Variants in SDCCAG8 observed in about 807,000 individuals in gnomAD.
SDCCAG8 encodes the protein serologically defined colon cancer antigen 8.
A neutral mutation model predicts 101.8 loss-of-function variants in SDCCAG8; 74 were observed. That is an observed-to-expected ratio of 0.73 (90% confidence interval 0.60 to 0.88). The LOEUF (loss-of-function observed/expected upper bound fraction) is 0.88. SDCCAG8 is among the 40% of genes least tolerant of loss of function. The pLI is 0.00. For missense variants in SDCCAG8, 787 were observed against 822.6 expected, an observed-to-expected ratio of 0.96 and a Z score of 0.53; for synonymous variants, 281 against 292.9, an observed-to-expected ratio of 0.96 and a Z score of 0.41.
At chr1:243,316,932 T>C (rs2073298216) in intron 9 of SDCCAG8, 39 bp downstream of exon 9, 2 of 1,598,178 alleles carry the variant, frequency 1.3e-6, no homozygotes, top group South Asian at 2.3e-5. Context: ...GTCTTTCTTT[T>C]TTTTTTCTTT....
At chr1:243,452,445 C>G (rs2083442352) in intron 16 of SDCCAG8, among the ~76,000 whole-genome samples, 1 of 102,636 alleles carries the variant, frequency 9.7e-6, no homozygotes, top group African/African-American at 3.8e-5. Flanking sequence ...TTTTTTGGGA[C>G]AGTATCTGGC....
intron 16 of SDCCAG8, among the ~76,000 whole-genome samples, chr1:243,454,057 A>C (rs779233076): frequency 2.0e-5 from 3 of 152,090 alleles, no homozygotes; most frequent in Non-Finnish European, 4.4e-5. Context: ...TGTGCTTTTC[A>C]TTCGCACCTA....
At chr1:243,438,767 A>G (rs1438805691) in intron 16 of SDCCAG8, among the ~76,000 whole-genome samples, 2 of 152,202 alleles carry the variant, frequency 1.3e-5, no homozygotes, top group Non-Finnish European at 2.9e-5. Flanking sequence ...GGTGAGCCAG[A>G]GTGGCTCCTG....
intron 16 of SDCCAG8, among the ~76,000 whole-genome samples, chr1:243,478,413 T>G (rs1326040216): frequency 6.6e-6 from 1 of 152,182 alleles, no homozygotes; most frequent in Non-Finnish European, 1.5e-5. Context: ...AATATGATTC[T>G]TTTCATGAGA....
At chr1:243,385,427 A>G (rs1008534069) in intron 13 of SDCCAG8, among the ~76,000 whole-genome samples, 1 of 152,080 alleles carries the variant, frequency 6.6e-6, no homozygotes, top group Admixed American at 6.5e-5. Context: ...GAACATACAC[A>G]TGTAGTCGGT....
rs188808846 is a variant in SDCCAG8 at position 243,469,258 on chromosome 1, G to A, written c.1986-19756G>A. Among the ~76,000 whole-genome samples, 9 of 151,548 alleles carry A rather than the reference G, an allele frequency of 5.9e-5. No homozygotes were observed. In the East Asian group the frequency reaches 1.7e-3, roughly 29 times the overall value. On this transcript the variant is annotated intron_variant, in intron 16 of 17. Coordinates refer to ENST00000366541, the MANE Select transcript of SDCCAG8 (RefSeq NM_006642.5). The stretch of plus-strand genomic sequence containing the variant: ...TTTTTTGAGTAGTATAGCATCCATG[G>A]CATGCTTTTTTTGTTAAAATGTATG...
At chr1:243,475,446 C>T (rs1397769308) in intron 16 of SDCCAG8, among the ~76,000 whole-genome samples, 1 of 152,098 alleles carries the variant, frequency 6.6e-6, no homozygotes, top group East Asian at 1.9e-4. Context: ...GCCCCTGCTC[C>T]CCCTTCCCTC....
intron 12 of SDCCAG8, chr1:243,346,302 G>A (rs2075703156): frequency 1.3e-5 from 2 of 154,410 alleles, no homozygotes; most frequent in Middle Eastern, 5.2e-4. Flanking sequence ...TTTTAAAAGC[G>A]GGGCATGTTG....
intron 16 of SDCCAG8, among the ~76,000 whole-genome samples, chr1:243,457,521 T>A (rs2148146730): frequency 6.6e-6 from 1 of 152,350 alleles, no homozygotes; most frequent in Non-Finnish European, 1.5e-5. Context: ...CTTCCCATTA[T>A]TGACTAGCAT....
intron 16 of SDCCAG8, among the ~76,000 whole-genome samples, chr1:243,480,617 TG>T: frequency 8.9e-6 from 1 of 112,112 alleles, no homozygotes; most frequent in Non-Finnish European, 1.8e-5. Context: ...GATGGATGGA[TG>T]GGTGGTATGG....
intron 16 of SDCCAG8, among the ~76,000 whole-genome samples, chr1:243,442,678 A>G (rs2082624180): frequency 6.6e-6 from 1 of 151,982 alleles, no homozygotes. Context: ...CAGTTTTTTC[A>G]GACAGAAACC....
chr1:243,383,443 T>A (rs955982911), intron 13 of SDCCAG8, among the ~76,000 whole-genome samples: 1 of 152,234 alleles, frequency 6.6e-6, no homozygotes, highest in Non-Finnish European at 1.5e-5. Flanking sequence ...ATGATTCTAA[T>A]AATGATTTAA....
At chr1:243,372,607 A>AATATAT (rs1487168251) in intron 12 of SDCCAG8, among the ~76,000 whole-genome samples, 5 of 152,044 alleles carry the variant, frequency 3.3e-5, no homozygotes, top group African/African-American at 1.2e-4. Context: ...TTATGTAAAA[A>AATATAT]ATATATTTTA....
At chr1:243,497,956 A>C (rs1420094821) in intron 17 of SDCCAG8, among the ~76,000 whole-genome samples, 1 of 152,176 alleles carries the variant, frequency 6.6e-6, no homozygotes, top group Non-Finnish European at 1.5e-5. Flanking sequence ...CACTGGGATT[A>C]CAGGTGTGAG....
chr1:243,261,541 CT>C (rs2067192853), intron 1 of SDCCAG8, among the ~76,000 whole-genome samples: 1 of 152,278 alleles, frequency 6.6e-6, no homozygotes, highest in African/African-American at 2.4e-5. Flanking sequence ...TATCCAAATC[CT>C]GCAAAGTGGC....
intron 8 of SDCCAG8, among the ~76,000 whole-genome samples, chr1:243,309,721 T>G (rs1045001639): frequency 3.9e-5 from 6 of 152,208 alleles, no homozygotes; most frequent in Non-Finnish European, 8.8e-5. Flanking sequence ...CAGGCTGTTC[T>G]TGAACTCCTG....
chr1:243,489,069 C>T lies in SDCCAG8; in HGVS notation c.2041C>T (p.Leu681Phe), dbSNP rs1665729246. The T allele has an allele frequency of 3.1e-6, 5 of 1,613,304 alleles. No homozygotes were observed. The highest frequency in any genetic ancestry group is 1.3e-5 in the African/African-American group (1 of 74,944). The part of the protein sequence containing the change: ...QATAQQLVQL[L>F]SKQNQLLLER... ...CACAGCCCAGCAGCTGGTGCAGCTC[C>T]TCAGCAAGCAGAACCAGCTTCTCCT... Residue 681 changes from leucine (L) to phenylalanine (F), a missense_variant, in exon 17 of 18, where the codon CTC becomes TTC. Leu to Phe is a conservative substitution (Grantham distance 22). Transcript: ENST00000366541.
At chr1:243,378,212 G>A (rs768389099) in intron 12 of SDCCAG8, among the ~76,000 whole-genome samples, 5 of 148,788 alleles carry the variant, frequency 3.4e-5, no homozygotes, top group African/African-American at 4.9e-5. Context: ...AAGTAATATT[G>A]AACATCATAA....
intron 7 of SDCCAG8, chr1:243,306,283 C>T (rs999791255): frequency 1.3e-5 from 2 of 151,420 alleles, no homozygotes; most frequent in African/African-American, 4.9e-5. Flanking sequence ...GTTTTTTGTC[C>T]TATTTTATTT....
Sources: allele counts gnomAD v4.1 joint callset (sites outside exome capture counted in the v4.1 genomes callset), GRCh38; gene constraint gnomAD v4.1.1; transcripts MANE v1.5; gene names NCBI Gene and HGNC (gene_info 2026-07-23, HGNC 2026-07-21).